COP1: variants seen among roughly 807,000 people sequenced by gnomAD.
COP1 encodes E3 ubiquitin-protein ligase COP1.
A neutral mutation model predicts 101.3 loss-of-function variants in COP1; 24 were observed. The ratio of observed to expected loss-of-function variants is 0.24; its 90% CI spans 0.17 to 0.33. The LOEUF (loss-of-function observed/expected upper bound fraction) is 0.33, where lower values mean the gene tolerates loss of function less well. Among genes scored for constraint, COP1 ranks in the 10% least tolerant of loss-of-function variants. COP1 has a pLI of 1.00. For missense variants in COP1, 663 were observed against 906.2 expected, an observed-to-expected ratio of 0.73 and a Z score of 3.45; for synonymous variants, 347 against 341.9, an observed-to-expected ratio of 1.01 and a Z score of -0.17.
At chr1:176,175,780 G>T (rs1696850584) in intron 3 of COP1, 130 bp downstream of exon 3, 1 of 456,898 alleles carries the variant, frequency 2.2e-6, no homozygotes, top group East Asian at 3.3e-5. Flanking sequence ...CCAAGAAGAG[G>T]AAAGCACTGT....
intron 3 of COP1, among the ~76,000 whole-genome samples, chr1:176,164,097 T>C (rs960201175): frequency 2.0e-5 from 3 of 152,220 alleles, no homozygotes; most frequent in African/African-American, 4.8e-5. Context: ...CTACTATTAC[T>C]ATAGGAGAAT....
chr1:176,162,841 A>G (rs749486447), intron 5 of COP1, 28 bp downstream of exon 5: 1 of 1,555,468 alleles, frequency 6.4e-7, no homozygotes, highest in South Asian at 1.3e-5. Flanking sequence ...ATCATTTAAA[A>G]TTTTTTTTAA....
At chr1:176,197,171 G>A (rs921790537) in intron 1 of COP1, among the ~76,000 whole-genome samples, 6 of 152,194 alleles carry the variant, frequency 3.9e-5, no homozygotes, top group African/African-American at 1.4e-4. Flanking sequence ...CAGGCAACAT[G>A]CAGACTGAGA....
At chr1:175,992,527 T>C (rs4265392) in intron 15 of COP1, among the ~76,000 whole-genome samples, 144,577 of 152,264 alleles carry the variant, frequency 0.95, 68,935 homozygotes, top group East Asian at 1. Flanking sequence ...CCTGGAAAAT[T>C]GGGTCACTCC....
rs1044812739 is a variant in COP1 at position 176,010,178 on chromosome 1, C to T, written c.1729+17394G>A. ...CACACCGCCTCTTGTCTCTCTCTCTCTCTGCCCCCTGTACCGCTGAACCAC... is the reference window on the plus strand; with the variant it reads ...CACACCGCCTCTTGTCTCTCTCTCTTTCTGCCCCCTGTACCGCTGAACCAC... On this transcript the variant is annotated intron_variant, in intron 15 of 19. Transcript: ENST00000367669. Among the ~76,000 whole-genome samples the T allele has an allele frequency of 5.3e-5, 8 of 152,138 alleles. No homozygotes were observed. The South Asian group carries it at 1.5e-3, about 28-fold the overall frequency.
intron 11 of COP1, among the ~76,000 whole-genome samples, chr1:176,054,043 C>T (rs1175053093): frequency 6.6e-6 from 1 of 152,086 alleles, no homozygotes; most frequent in East Asian, 1.9e-4. Flanking sequence ...TAAGGAGGCA[C>T]TTAACACTAA....
In COP1 at chr1:175,955,766, C is replaced by CCACACACACACACACACAAACACACA. The variant is rs149286712; in HGVS notation, c.2134-8528_2134-8527insTGTGTGTTTGTGTGTGTGTGTGTGTG. 1.1e-4 allele frequency among the ~76,000 whole-genome samples: 14 copies of CCACACACACACACACACAAACACACA among 129,192 alleles called. 1 individual carries two copies. The highest frequency in any genetic ancestry group is 1.9e-4 in the Non-Finnish European group (12 of 61,768). 84.8% of individuals were successfully genotyped at this position (129,192 alleles called of 152,430 possible). Reference sequence around the variant, plus strand: ...AAAGCATGAATCATTTAGAGACAAACCACACACACACACACACACACACAC... The same window carrying CCACACACACACACACACAAACACACA: ...AAAGCATGAATCATTTAGAGACAAACCACACACACACACACACAAACACACACACACACACACACACACACACACAC... On this transcript the variant is annotated intron_variant, in intron 18 of 19. Coordinates refer to ENST00000367669, the MANE Select transcript of COP1 (RefSeq NM_022457.7).
At chr1:176,157,296 T>G (rs1693619585) in intron 5 of COP1, among the ~76,000 whole-genome samples, 1 of 152,122 alleles carries the variant, frequency 6.6e-6, no homozygotes, top group Non-Finnish European at 1.5e-5. Flanking sequence ...CAAATGCAAG[T>G]GGAATATTTA....
chr1:176,013,667 G>T (rs1437990474), intron 15 of COP1, among the ~76,000 whole-genome samples: 1 of 152,022 alleles, frequency 6.6e-6, no homozygotes, highest in Non-Finnish European at 1.5e-5. Flanking sequence ...ATTAGACACA[G>T]AATTTTAACT....
chr1:176,005,640 G>C (rs375475898), intron 15 of COP1, among the ~76,000 whole-genome samples: 4 of 151,624 alleles, frequency 2.6e-5, no homozygotes, highest in African/African-American at 9.8e-5. Flanking sequence ...AGGTTGTTCA[G>C]TTTCCATGAA....
At chr1:176,050,621 G>A (rs1168902760) in intron 11 of COP1, among the ~76,000 whole-genome samples, 2 of 152,132 alleles carry the variant, frequency 1.3e-5, no homozygotes, top group Non-Finnish European at 2.9e-5. Context: ...GAAAAGTGAT[G>A]AGCAGATCTT....
intron 11 of COP1, among the ~76,000 whole-genome samples, chr1:176,061,030 G>T (rs1019561209): frequency 6.6e-6 from 1 of 152,108 alleles, no homozygotes. Context: ...TAACAAAGAC[G>T]GAGAACTTAT....
chr1:176,054,070 C>G (rs1269043726), intron 11 of COP1, among the ~76,000 whole-genome samples: 1 of 151,956 alleles, frequency 6.6e-6, no homozygotes, highest in Non-Finnish European at 1.5e-5. Context: ...AGGAAACTAC[C>G]CTCATCCACT....
intron 18 of COP1, among the ~76,000 whole-genome samples, chr1:175,972,287 T>C (rs1207594197): frequency 6.6e-6 from 1 of 152,104 alleles, no homozygotes; most frequent in Admixed American, 6.5e-5. Context: ...AAAATACTAA[T>C]ACACATGTTG....
At chr1:176,024,075 T>C (rs569860211) in intron 15 of COP1, among the ~76,000 whole-genome samples, 4 of 152,222 alleles carry the variant, frequency 2.6e-5, no homozygotes, top group Non-Finnish European at 4.4e-5. Context: ...CTGGCCAAGA[T>C]GGTGAAACCC....
chr1:176,141,272 C>T (rs775243093), intron 6 of COP1, among the ~76,000 whole-genome samples: 2 of 152,186 alleles, frequency 1.3e-5, no homozygotes, highest in Admixed American at 6.5e-5. Context: ...GAGGCTGAGG[C>T]GGGCAGATCA....
At chr1:176,081,636 T>C (rs1031180369) in intron 10 of COP1, among the ~76,000 whole-genome samples, 7 of 152,070 alleles carry the variant, frequency 4.6e-5, no homozygotes, top group African/African-American at 1.7e-4. Context: ...AGAAGAGTAC[T>C]GGATGAGTAT....
At chr1:176,062,162 G>A (rs12404181) in intron 11 of COP1, among the ~76,000 whole-genome samples, 16,483 of 151,970 alleles carry the variant, frequency 0.11, 982 homozygotes, top group Middle Eastern at 0.16. Context: ...CAGCACGCCT[G>A]GATAATTTTT....
chr1:176,200,264 C>A (rs1700129422), intron 1 of COP1, among the ~76,000 whole-genome samples: 1 of 152,204 alleles, frequency 6.6e-6, no homozygotes, highest in Admixed American at 6.5e-5. Flanking sequence ...TTGTCCCAAA[C>A]TAATTGTCAG....
Sources: allele counts gnomAD v4.1 joint callset (sites outside exome capture counted in the v4.1 genomes callset), GRCh38; gene constraint gnomAD v4.1.1; transcripts MANE v1.5; gene names NCBI Gene and HGNC (gene_info 2026-07-23, HGNC 2026-07-21).